The following MGAT5 variants were observed in gnomAD, a reference collection of about 807,000 sequenced individuals.
MGAT5 encodes the protein alpha-1,6-mannosylglycoprotein 6-beta-N-acetylglucosaminyltransferase A.
A neutral mutation model predicts 94.3 loss-of-function variants in MGAT5; 30 were observed. That is an observed-to-expected ratio of 0.32 (90% CI 0.24 to 0.43). MGAT5 has a LOEUF of 0.43. Ranked by LOEUF, MGAT5 falls within the 20% of genes least tolerant of loss-of-function variation. MGAT5 has a pLI of 1.00. For missense variants in MGAT5, 691 were observed against 905.5 expected (o/e 0.76, Z 3.04); for synonymous variants, 310 against 322.9 (o/e 0.96, Z 0.43).
At chr2:134,200,939 T>G (rs1679757008) in intron 1 of MGAT5, among the ~76,000 whole-genome samples, 1 of 151,982 alleles carries the variant, frequency 6.6e-6, no homozygotes, top group Non-Finnish European at 1.5e-5. Flanking sequence ...GCAGGAGGAT[T>G]GCTTGGTCTT....
chr2:134,141,753 G>C (rs965702622), intron 1 of MGAT5, among the ~76,000 whole-genome samples: 1 of 152,214 alleles, frequency 6.6e-6, no homozygotes, highest in Non-Finnish European at 1.5e-5. Flanking sequence ...GCCAGCAGGG[G>C]CCATGTGGTT....
intron 1 of MGAT5, among the ~76,000 whole-genome samples, chr2:134,262,455 G>C (rs543742796): frequency 6.6e-6 from 1 of 151,498 alleles, no homozygotes; most frequent in Non-Finnish European, 1.5e-5. Context: ...TATTGCCCAG[G>C]CTGGTCTCAA....
At chr2:134,332,208 C>T (rs1408414613) in intron 4 of MGAT5, among the ~76,000 whole-genome samples, 1 of 151,922 alleles carries the variant, frequency 6.6e-6, no homozygotes, top group Non-Finnish European at 1.5e-5. Flanking sequence ...CTACAGTAAC[C>T]AAAACAGCAT....
At chr2:134,194,793 C>T (rs1477586290) in intron 1 of MGAT5, among the ~76,000 whole-genome samples, 1 of 152,182 alleles carries the variant, frequency 6.6e-6, no homozygotes, top group Non-Finnish European at 1.5e-5. Flanking sequence ...GCCCTCACTT[C>T]ATGTACTGTT....
chr2:134,431,897 A>G (rs1558882656), intron 14 of MGAT5, among the ~76,000 whole-genome samples: 1 of 152,162 alleles, frequency 6.6e-6, no homozygotes. Flanking sequence ...CAGGCACCCA[A>G]TGAGAAAGAC....
intron 1 of MGAT5, among the ~76,000 whole-genome samples, chr2:134,139,382 C>T (rs1269476014): frequency 6.6e-6 from 1 of 152,084 alleles, no homozygotes; most frequent in Non-Finnish European, 1.5e-5. Flanking sequence ...GTTTTTAGCA[C>T]TCTGGCCGTG....
chr2:134,302,553 C>T (rs547840153), intron 2 of MGAT5, among the ~76,000 whole-genome samples: 8 of 152,200 alleles, frequency 5.3e-5, no homozygotes, highest in African/African-American at 1.9e-4. Flanking sequence ...CCCTTTCAAC[C>T]TAGAGCTTCT....
chr2:134,155,242 T>C (rs1025938115), intron 1 of MGAT5, among the ~76,000 whole-genome samples: 8 of 152,244 alleles, frequency 5.3e-5, no homozygotes, highest in African/African-American at 1.9e-4. Context: ...CTGCCATTTC[T>C]GGCCTGGAAG....
At chr2:134,247,934 A>T (rs1020912007) in intron 1 of MGAT5, among the ~76,000 whole-genome samples, 2 of 152,154 alleles carry the variant, frequency 1.3e-5, no homozygotes, top group African/African-American at 2.4e-5. Flanking sequence ...GCCTCCAAGA[A>T]AGGTTCCCGG....
chr2:134,293,824 A>C (rs1383225105), intron 2 of MGAT5, among the ~76,000 whole-genome samples: 1 of 152,196 alleles, frequency 6.6e-6, no homozygotes, highest in Non-Finnish European at 1.5e-5. Context: ...GTTGGCTGAC[A>C]CCATGATGTG....
chr2:134,441,930 G>A lies in MGAT5; in HGVS notation c.2027+15G>A. On this transcript the variant is annotated intron_variant, in intron 15 of 15. Coordinates refer to ENST00000281923, the MANE Select transcript of MGAT5 (RefSeq NM_002410.5). Reference sequence around the variant, plus strand: ...GACATGCTGAAGTAAGTGCCCTGGGGTGGGGGTGGGGACTCAGCCCCTAGA... The same window carrying A: ...GACATGCTGAAGTAAGTGCCCTGGGATGGGGGTGGGGACTCAGCCCCTAGA... 1.9e-6 allele frequency: 3 copies of A among 1,610,076 alleles called. No homozygotes were observed. Among genetic ancestry groups the A allele is most frequent in the Non-Finnish European group, 1.7e-6 (2 of 1,177,116 alleles).
chr2:134,435,042 C>G (rs534691470), intron 14 of MGAT5, among the ~76,000 whole-genome samples: 11 of 152,002 alleles, frequency 7.2e-5, no homozygotes, highest in Non-Finnish European at 1.2e-4. Flanking sequence ...GTCTCAGTCC[C>G]GTATCTCTCT....
chr2:134,290,458 CTG>C lies in MGAT5; in HGVS notation c.406+19912_406+19913del, dbSNP rs1685279444. 2.0e-5 allele frequency among the ~76,000 whole-genome samples: 3 copies of C among 152,314 alleles called. No homozygotes were observed. In the South Asian group the frequency reaches 6.2e-4, roughly 32 times the overall value. ...TCTTCCTTTCTTACACACTTCCTTC[CTG>C]TGTCTTTTCCACATGCAAACTTGAG... On this transcript the variant is annotated intron_variant, in intron 2 of 15. Transcript: ENST00000281923.
intron 1 of MGAT5, among the ~76,000 whole-genome samples, chr2:134,124,240 T>C (rs1166510120): frequency 2.6e-5 from 4 of 152,252 alleles, no homozygotes; most frequent in African/African-American, 9.6e-5. Context: ...GCCTTAGCAC[T>C]GTAACCACGT....
At chr2:134,395,409 C>T (rs1024645112) in intron 10 of MGAT5, among the ~76,000 whole-genome samples, 5 of 152,288 alleles carry the variant, frequency 3.3e-5, no homozygotes, top group Middle Eastern at 3.4e-3. Context: ...CTGACCAGTT[C>T]GGACTGAGAG....
At chr2:134,313,623 T>TGGCATG (rs1444892650) in intron 2 of MGAT5, among the ~76,000 whole-genome samples, 1 of 152,170 alleles carries the variant, frequency 6.6e-6, no homozygotes, top group Non-Finnish European at 1.5e-5. Context: ...TTAAAAAAAA[T>TGGCATG]GGCATGGGGA....
intron 8 of MGAT5, among the ~76,000 whole-genome samples, chr2:134,346,578 A>G (rs1251060615): frequency 2.0e-5 from 3 of 152,160 alleles, no homozygotes; most frequent in Non-Finnish European, 4.4e-5. Context: ...GGAAAATTCA[A>G]AATTTTCCCT....
intron 10 of MGAT5, among the ~76,000 whole-genome samples, chr2:134,373,765 T>C (rs1164965680): frequency 2.0e-5 from 3 of 152,196 alleles, no homozygotes; most frequent in African/African-American, 7.2e-5. Context: ...CCTGAGGCAG[T>C]GCAGTCCAGG....
intron 1 of MGAT5, among the ~76,000 whole-genome samples, chr2:134,140,230 AAAAAG>A (rs1334078544): frequency 1.3e-5 from 2 of 152,232 alleles, no homozygotes; most frequent in African/African-American, 2.4e-5. Context: ...GAGAAAAAGA[AAAAAG>A]AGAGGCATGA....
Sources: allele counts gnomAD v4.1 joint callset (sites outside exome capture counted in the v4.1 genomes callset), GRCh38; gene constraint gnomAD v4.1.1; transcripts MANE v1.5; gene names NCBI Gene and HGNC (gene_info 2026-07-23, HGNC 2026-07-21).